The following METTL13 variants were observed in gnomAD, a reference collection of about 807,000 sequenced individuals.
METTL13 encodes methyltransferase 13, eEF1A N-terminus and K55.
A neutral mutation model predicts 67.4 loss-of-function variants in METTL13; 52 were observed. The observed-to-expected ratio is 0.77, with a 90% confidence interval of 0.62 to 0.97. The LOEUF is 0.97. Among genes scored for constraint, METTL13 ranks in the 50% least tolerant of loss-of-function variants. The probability of loss-of-function intolerance (pLI) is 0.00; values close to 1 mark genes in which losing one functional copy is unlikely to be tolerated. For missense variants in METTL13, 825 were observed against 889.6 expected, an observed-to-expected ratio of 0.93 and a Z score of 0.92; for synonymous variants, 354 against 353.6, an observed-to-expected ratio of 1.00 and a Z score of -0.01.
At position 171,797,017 on chromosome 1, in the gene METTL13, C is replaced by A; in HGVS notation, c.*261C>A. ...CCACGTCCTTGAGTGGAGTTCCCTG[C>A]TGAAGCCCCTAGCACACACTGCATG... is the stretch of plus-strand genomic sequence containing the variant. On this transcript the variant is annotated 3_prime_UTR_variant, in exon 8 of 8. Coordinates refer to ENST00000361735, the MANE Select transcript of METTL13 (RefSeq NM_015935.5). 2.2e-6 allele frequency: 1 copy of A among 462,718 alleles called. No individual in the cohort carries two copies. Among genetic ancestry groups the A allele is most frequent in the Non-Finnish European group, 4.0e-6 (1 of 251,988 alleles). 28.7% of individuals were successfully genotyped at this position (462,718 alleles called of 1,614,324 possible).
At position 171,784,561 on chromosome 1, in the gene METTL13, G is replaced by A. The variant is rs960991883; in HGVS notation, c.913+62G>A. The A allele has an allele frequency of 3.5e-6, 5 of 1,421,286 alleles. No homozygotes were observed. In the East Asian group the frequency reaches 7.7e-5, roughly 22 times the overall value. 88.0% of individuals were successfully genotyped at this position (1,421,286 alleles called of 1,614,324 possible). ...CTGGCTTACAGGGGCTGGGGCTTGG[G>A]CTGGGGCTGGGGCTGAGGCTGGGCT... On this transcript the variant is annotated intron_variant, in intron 2 of 7. Coordinates refer to ENST00000361735, the MANE Select transcript of METTL13 (RefSeq NM_015935.5).
At chr1:171,790,165 A>G (rs78026807) in intron 4 of METTL13, among the ~76,000 whole-genome samples, 202 of 152,326 alleles carry the variant, frequency 1.3e-3, no homozygotes, top group African/African-American at 4.7e-3. Flanking sequence ...AACTCACTCA[A>G]TACCATGGGG....
rs1657162307 is a variant in METTL13, at chr1:171,790,344, C to T, written c.1310-108C>T. The T allele has an allele frequency of 1.1e-5, 14 of 1,253,816 alleles. No homozygotes were observed. In the South Asian group the frequency reaches 2.3e-4, roughly 20 times the overall value. 77.7% of individuals were successfully genotyped at this position (1,253,816 alleles called of 1,614,324 possible). On this transcript the variant is annotated intron_variant, in intron 4 of 7. Coordinates refer to ENST00000361735, the MANE Select transcript of METTL13 (RefSeq NM_015935.5). ...TGTCAACCAGTTTGCAAAATTTTAACGATTGGGTCTTTTGAGTGTTCAAGC... is the reference window on the plus strand; with the variant it reads ...TGTCAACCAGTTTGCAAAATTTTAATGATTGGGTCTTTTGAGTGTTCAAGC...
intron 3 of METTL13, among the ~76,000 whole-genome samples, chr1:171,787,124 C>A (rs893472296): frequency 1.6e-4 from 25 of 152,028 alleles, no homozygotes; most frequent in African/African-American, 5.8e-4. Flanking sequence ...GGCCTCTCAC[C>A]AGTGCCTGAG....
At position 171,784,182 on chromosome 1, in the gene METTL13, A is replaced by G; in HGVS notation, c.596A>G (p.Gln199Arg). ...GACCAGGTGTTGGAAGCAGAGCCTCAGTTCTCCTTGCCTGTCTTTGCCTTC... is the reference window on the plus strand; with the variant it reads ...GACCAGGTGTTGGAAGCAGAGCCTCGGTTCTCCTTGCCTGTCTTTGCCTTC... ...SQDQVLEAEP[Q>R]FSLPVFAFIM... Residue 199 changes from glutamine (Q) to arginine (R), a missense_variant, in exon 2 of 8, where the codon CAG (glutamine) becomes CGG (arginine). Physicochemically the swap from Gln to Arg is conservative, Grantham distance 43. Transcript: ENST00000361735. 1 of 1,614,220 alleles carries G rather than the reference A, an allele frequency of 6.2e-7. No individual in the cohort carries two copies. The highest frequency in any genetic ancestry group is 8.5e-7 in the Non-Finnish European group (1 of 1,180,042).
At chr1:171,784,531 A>G (rs1033899753) in intron 2 of METTL13, 32 bp downstream of exon 2, 23 of 1,284,254 alleles carry the variant, frequency 1.8e-5, no homozygotes, top group Non-Finnish European at 2.0e-5. Context: ...TCTTCCCTGG[A>G]GGGGCTGGCT....
rs553345732 is a variant in METTL13, at chr1:171,797,375, A to C, written c.*619A>C. ...AGCCTAAGCCATTTGTCTTTTTCTC[A>C]GTGGAGGGAGTGTATGGACCTGGCC... On this transcript the variant is annotated 3_prime_UTR_variant, in exon 8 of 8. Coordinates refer to ENST00000361735, the MANE Select transcript of METTL13 (RefSeq NM_015935.5). 4 of 153,250 alleles carry C rather than the reference A, an allele frequency of 2.6e-5. No individual in the cohort carries two copies. The East Asian group carries it at 7.7e-4, about 30-fold the overall frequency. 9.5% of individuals were successfully genotyped at this position (153,250 alleles called of 1,614,324 possible).
intron 3 of METTL13, among the ~76,000 whole-genome samples, chr1:171,786,678 T>G (rs1286151394): frequency 6.6e-6 from 1 of 152,036 alleles, no homozygotes; most frequent in Non-Finnish European, 1.5e-5. Flanking sequence ...TTTTTTGAGA[T>G]AGGGTCTTGC....
At position 171,797,467 on chromosome 1, in the gene METTL13, G is replaced by T. The variant is rs1014990493; in HGVS notation, c.*711G>T. Reference sequence around the variant, plus strand: ...TAGTGTTTGTTTGCTCACATTTGCTGAGTGACAGCTATGTGCCAGACTGCA... The same window carrying T: ...TAGTGTTTGTTTGCTCACATTTGCTTAGTGACAGCTATGTGCCAGACTGCA... On this transcript the variant is annotated 3_prime_UTR_variant, in exon 8 of 8. Coordinates refer to ENST00000361735, the MANE Select transcript of METTL13 (RefSeq NM_015935.5). 2.6e-5 allele frequency: 4 copies of T among 152,310 alleles called. No individual in the cohort carries two copies. Among genetic ancestry groups the T allele is most frequent in the African/African-American group, 9.6e-5 (4 of 41,464 alleles). The allele number at this position is 152,310 out of a possible 1,614,324, so 9.4% of individuals were successfully genotyped here.
chr1:171,791,538 T>C (rs1657205375), intron 5 of METTL13, among the ~76,000 whole-genome samples: 1 of 152,128 alleles, frequency 6.6e-6, no homozygotes, highest in Non-Finnish European at 1.5e-5. Flanking sequence ...TGCAGTGGTA[T>C]GATCGCAGCT....
intron 6 of METTL13, among the ~76,000 whole-genome samples, 177 bp downstream of exon 6, chr1:171,792,412 T>C (rs962181527): frequency 1.3e-5 from 2 of 152,258 alleles, no homozygotes; most frequent in African/African-American, 4.8e-5. Context: ...TGCTTAGCAC[T>C]GTGTTAGGTG....
intron 6 of METTL13, among the ~76,000 whole-genome samples, chr1:171,793,124 A>G (rs933721012): frequency 6.6e-5 from 10 of 152,230 alleles, no homozygotes; most frequent in African/African-American, 1.4e-4. Context: ...TGCTCATTCC[A>G]TAACAGATAC....
chr1:171,782,202 G>T, intron 1 of METTL13, 82 bp downstream of exon 1: 1 of 1,240,416 alleles, frequency 8.1e-7, no homozygotes, highest in Non-Finnish European at 1.2e-6. Flanking sequence ...TTGGTGGACA[G>T]TGACAGGCGG....
At chr1:171,793,849 T>TA (rs1418563730) in intron 6 of METTL13, among the ~76,000 whole-genome samples, 3 of 152,258 alleles carry the variant, frequency 2.0e-5, no homozygotes, top group African/African-American at 7.2e-5. Context: ...AGTTAAAAGT[T>TA]ACCATTTGCT....
At chr1:171,794,057 A>G (rs1289979037) in intron 6 of METTL13, among the ~76,000 whole-genome samples, 1 of 152,212 alleles carries the variant, frequency 6.6e-6, no homozygotes, top group East Asian at 1.9e-4. Context: ...TCCCAAGGTG[A>G]TTGTAATGTT....
intron 3 of METTL13, among the ~76,000 whole-genome samples, chr1:171,786,826 C>G (rs922817910): frequency 1.3e-5 from 2 of 152,044 alleles, no homozygotes; most frequent in African/African-American, 4.8e-5. Flanking sequence ...AGCCACCATA[C>G]CTGGCTAGTT....
intron 3 of METTL13, 68 bp from the exon 4 acceptor site, chr1:171,787,667 G>T: frequency 7.0e-7 from 1 of 1,426,764 alleles, no homozygotes; most frequent in East Asian, 2.4e-5. Flanking sequence ...CAAAAGGGAA[G>T]GGGTTATAAT....
In METTL13 at chr1:171,783,231, A is replaced by G. The variant is rs139390986; in HGVS notation, c.154-509A>G. On this transcript the variant is annotated intron_variant, in intron 1 of 7. Coordinates refer to ENST00000361735, the MANE Select transcript of METTL13 (RefSeq NM_015935.5). ...GGGAGATTGCTCCCTGGAGAGGGAG[A>G]CAACAATCTGAATTTTAAGTTCGGC... is the stretch of plus-strand genomic sequence containing the variant. 3.9e-3 allele frequency among the ~76,000 whole-genome samples: 590 copies of G among 152,266 alleles called. 2 individuals are homozygous for G. Among genetic ancestry groups the G allele is most frequent in the South Asian group, 8.7e-3 (42 of 4,828 alleles).
intron 2 of METTL13, among the ~76,000 whole-genome samples, chr1:171,785,048 C>T (rs1183005574): frequency 6.6e-6 from 1 of 152,164 alleles, no homozygotes; most frequent in Non-Finnish European, 1.5e-5. Flanking sequence ...GATGGTGTGA[C>T]ATTAGACAGG....
Sources: allele counts gnomAD v4.1 joint callset (sites outside exome capture counted in the v4.1 genomes callset), GRCh38; gene constraint gnomAD v4.1.1; transcripts MANE v1.5; gene names NCBI Gene and HGNC (gene_info 2026-07-23, HGNC 2026-07-21).